GNA12: variants seen among roughly 807,000 people sequenced by gnomAD.
GNA12 encodes guanine nucleotide-binding protein subunit alpha-12.
GNA12 carries 9 observed loss-of-function variants against 26.0 expected under a neutral mutation model. That is an observed-to-expected ratio of 0.35 (90% CI 0.21 to 0.60). The LOEUF is 0.60. Ranked by LOEUF, GNA12 falls within the 20% of genes least tolerant of loss-of-function variation. GNA12 has a pLI of 0.78. For synonymous variants in GNA12, 264 were observed against 219.6 expected (o/e 1.20, Z -1.79); for missense variants, 405 against 525.8 (o/e 0.77, Z 2.25).
At chr7:2,777,611 C>A (rs951175791) in intron 2 of GNA12, among the ~76,000 whole-genome samples, 1 of 152,194 alleles carries the variant, frequency 6.6e-6, no homozygotes, top group Admixed American at 6.5e-5. Context: ...GCTTCTCTCT[C>A]TCTCCACCAT....
At chr7:2,776,225 C>T (rs148887309) in intron 2 of GNA12, among the ~76,000 whole-genome samples, 39 of 152,292 alleles carry the variant, frequency 2.6e-4, no homozygotes, top group Middle Eastern at 3.4e-3. Flanking sequence ...TGTGAGCCAC[C>T]GCGCCCAGCC....
intron 2 of GNA12, among the ~76,000 whole-genome samples, chr7:2,734,054 G>C (rs2115292685): frequency 1.3e-5 from 2 of 152,332 alleles, no homozygotes; most frequent in African/African-American, 4.8e-5. Flanking sequence ...CAAACACAGG[G>C]GAATCTTCCA....
Position 2,728,177 on chromosome 7 carries a change from A to G in GNA12, c.*3004T>C, listed in dbSNP as rs1319765595. ...GAGGCTGAGGGTGGCCAAATTTTCA[A>G]GCCAGACCCTCCCAATGTTAATACA... On this transcript the variant is annotated 3_prime_UTR_variant, in exon 4 of 4. Transcript: ENST00000275364. 3 of 152,340 alleles carry G rather than the reference A, an allele frequency of 2.0e-5. No homozygotes were observed. The highest frequency in any genetic ancestry group is 2.9e-5 in the Non-Finnish European group (2 of 68,044). 9.4% of individuals were successfully genotyped at this position (152,340 alleles called of 1,614,324 possible).
chr7:2,802,626 A>T (rs867602146), intron 1 of GNA12, among the ~76,000 whole-genome samples: 12 of 152,164 alleles, frequency 7.9e-5, no homozygotes. Context: ...TTCCATTAAG[A>T]CAAACTGAAG....
At chr7:2,783,141 C>T (rs1332310931) in intron 2 of GNA12, among the ~76,000 whole-genome samples, 2 of 152,160 alleles carry the variant, frequency 1.3e-5, no homozygotes, top group African/African-American at 4.8e-5. Flanking sequence ...ACTGTGTTGT[C>T]TACCTGGGAG....
At chr7:2,805,323 T>C (rs1399329895) in intron 1 of GNA12, among the ~76,000 whole-genome samples, 3 of 152,250 alleles carry the variant, frequency 2.0e-5, no homozygotes, top group Non-Finnish European at 4.4e-5. Flanking sequence ...AGGAATAGCA[T>C]TATGCCCATT....
chr7:2,843,754 G>C, intron 1 of GNA12, 99 bp downstream of exon 1: 1 of 540,978 alleles, frequency 1.8e-6, no homozygotes, highest in Non-Finnish European at 3.0e-6. Context: ...CTCGCCCCAG[G>C]GGTCCCCGCC....
chr7:2,797,699 G>C (rs1480235127), intron 1 of GNA12, among the ~76,000 whole-genome samples: 2 of 152,124 alleles, frequency 1.3e-5, no homozygotes, highest in Admixed American at 6.5e-5. Context: ...TGACCAAAGA[G>C]TAGTTGAAAG....
chr7:2,843,816 A>C (rs1198146698), intron 1 of GNA12, 37 bp downstream of exon 1: 1 of 1,273,752 alleles, frequency 7.9e-7, no homozygotes, highest in East Asian at 3.2e-5. Context: ...GCCCCGGCCC[A>C]CCTGGGTGCA....
At chr7:2,763,164 G>C (rs1791649695) in intron 2 of GNA12, 1 of 1,113,634 alleles carries the variant, frequency 9.0e-7, no homozygotes, top group Non-Finnish European at 1.1e-6. Flanking sequence ...GCTGACAAGA[G>C]GTTAGCAGGA....
chr7:2,784,276 C>T (rs1343606800), intron 2 of GNA12, among the ~76,000 whole-genome samples: 3 of 152,078 alleles, frequency 2.0e-5, no homozygotes, highest in African/African-American at 7.2e-5. Context: ...TGCCACCACA[C>T]CTGGATAATC....
chr7:2,828,544 G>C (rs1052140089), intron 1 of GNA12, among the ~76,000 whole-genome samples: 1 of 152,132 alleles, frequency 6.6e-6, no homozygotes, highest in Non-Finnish European at 1.5e-5. Flanking sequence ...TACCAGGGAC[G>C]CAGCTGGGGA....
At chr7:2,773,440 T>G (rs1000709579) in intron 2 of GNA12, among the ~76,000 whole-genome samples, 3 of 152,120 alleles carry the variant, frequency 2.0e-5, no homozygotes, top group African/African-American at 7.2e-5. Flanking sequence ...TGGGCATCTG[T>G]AATCCCAGCT....
chr7:2,763,159 CAAG>C, intron 2 of GNA12: 1 of 1,168,340 alleles, frequency 8.6e-7, no homozygotes, highest in East Asian at 3.8e-5. Context: ...ATTCTGCTGA[CAAG>C]AGGTTAGCAG....
At chr7:2,748,082 G>A (rs1406171924) in intron 2 of GNA12, among the ~76,000 whole-genome samples, 2 of 150,562 alleles carry the variant, frequency 1.3e-5, no homozygotes, top group Non-Finnish European at 3.0e-5. Context: ...TGGCCATACT[G>A]CCCAAGGTAA....
intron 1 of GNA12, chr7:2,815,106 TG>T: frequency 1.9e-6 from 2 of 1,052,258 alleles, no homozygotes; most frequent in Non-Finnish European, 2.7e-6. Context: ...GACAAGGCCT[TG>T]CCCGCATGAG....
chr7:2,767,538 C>T (rs991345013), intron 2 of GNA12, among the ~76,000 whole-genome samples: 6 of 152,188 alleles, frequency 3.9e-5, no homozygotes, highest in African/African-American at 1.4e-4. Context: ...TTGCTGCCAT[C>T]AACAACTGTG....
At chr7:2,836,011 G>C in intron 1 of GNA12, 1 of 354,756 alleles carries the variant, frequency 2.8e-6, no homozygotes, top group South Asian at 3.5e-5. Flanking sequence ...AAACCTTGAA[G>C]CTGATGAAAG....
At chr7:2,735,665 G>A (rs1026049134) in intron 2 of GNA12, among the ~76,000 whole-genome samples, 19 of 152,296 alleles carry the variant, frequency 1.2e-4, no homozygotes, top group Admixed American at 9.2e-4. Context: ...ACTGAATGAG[G>A]ATGGCTCATT....
Sources: gnomAD v4.1 joint callset for allele counts (sites outside exome capture counted in the v4.1 genomes callset) on GRCh38, gnomAD v4.1.1 for gene constraint, MANE v1.5 for transcripts, NCBI Gene and HGNC (gene_info 2026-07-23, HGNC 2026-07-21) for gene names.